Variants in JDP2 observed in about 807,000 individuals in gnomAD.
The protein encoded by JDP2 is progesterone receptor co-activator.
A neutral mutation model predicts 17.1 loss-of-function variants in JDP2; 9 were observed. The ratio of observed to expected loss-of-function variants is 0.53; its 90% CI spans 0.32 to 0.92. The LOEUF is 0.92. JDP2 is among the 40% of genes least tolerant of loss of function. JDP2 has a pLI of 0.04. For synonymous variants in JDP2, 107 were observed against 95.6 expected, an observed-to-expected ratio of 1.12 and a Z score of -0.69; for missense variants, 179 against 220.0, an observed-to-expected ratio of 0.81 and a Z score of 1.18.
chr14:75,459,479 A>AG (rs1167051630), intron 2 of JDP2, among the ~76,000 whole-genome samples: 2 of 152,102 alleles, frequency 1.3e-5, no homozygotes, highest in African/African-American at 4.8e-5. Flanking sequence ...AGAGGTGGTG[A>AG]GGAGGCAGAA....
chr14:75,433,195 CAA>C (rs780191475), intron 1 of JDP2, among the ~76,000 whole-genome samples: 353 of 19,308 alleles, frequency 0.018, no homozygotes, highest in East Asian at 0.094. Context: ...AACTCCGTCT[CAA>C]AAAAAAAAAA....
chr14:75,440,389 G>T (rs1163174772), intron 2 of JDP2, among the ~76,000 whole-genome samples: 1 of 152,192 alleles, frequency 6.6e-6, no homozygotes, highest in Non-Finnish European at 1.5e-5. Flanking sequence ...ACCTAAAGCG[G>T]GGTGGGGAAA....
At chr14:75,468,863 TG>T (rs1020675504) in intron 3 of JDP2, among the ~76,000 whole-genome samples, 11 of 152,380 alleles carry the variant, frequency 7.2e-5, no homozygotes, top group Admixed American at 7.2e-4. Flanking sequence ...CACTGCCATC[TG>T]GGTCCCCTCT....
At chr14:75,453,647 A>T (rs751238091) in intron 2 of JDP2, among the ~76,000 whole-genome samples, 1 of 152,202 alleles carries the variant, frequency 6.6e-6, no homozygotes, top group Admixed American at 6.5e-5. Context: ...TGTACAAGTG[A>T]GGAATGGAGG....
chr14:75,450,388 T>C (rs1885792747), intron 2 of JDP2, among the ~76,000 whole-genome samples: 1 of 152,220 alleles, frequency 6.6e-6, no homozygotes, highest in Non-Finnish European at 1.5e-5. Context: ...TCTTCTCAGT[T>C]GCAGAATCTA....
chr14:75,472,462 A>G lies in JDP2; in HGVS notation c.*2987A>G, dbSNP rs1708042942. 1 of 152,272 alleles carries G rather than the reference A, an allele frequency of 6.6e-6. No individual in the cohort carries two copies. The highest frequency in any genetic ancestry group is 1.5e-5 in the Non-Finnish European group (1 of 68,050). 9.4% of individuals were successfully genotyped at this position (152,272 alleles called of 1,614,324 possible). ...ATGGCACAGACCCACCTGTGCTCAC[A>G]GTACATGTTAAGAATTCCCAAGTCT... On this transcript the variant is annotated 3_prime_UTR_variant, in exon 4 of 4. Transcript: ENST00000651602.
At chr14:75,454,991 C>T (rs1166476998) in intron 2 of JDP2, among the ~76,000 whole-genome samples, 1 of 152,042 alleles carries the variant, frequency 6.6e-6, no homozygotes, top group African/African-American at 2.4e-5. Context: ...GCAGAGGCGA[C>T]GAGGGCTTGG....
chr14:75,469,073 A>G (rs1466299352), intron 3 of JDP2, among the ~76,000 whole-genome samples: 1 of 152,238 alleles, frequency 6.6e-6, no homozygotes, highest in Non-Finnish European at 1.5e-5. Flanking sequence ...TGGCCCTAGA[A>G]TATAACCTGG....
rs778261462 is a variant in JDP2 at position 75,437,989 on chromosome 14, C to T, written c.69C>T (p.Thr23=). Reference sequence around the variant, plus strand: ...CCCTGCCAGGGCTTGGCCCCCTGACCGGGCTCCCCAGCTCGGCCCTGACTG... The same window carrying T: ...CCCTGCCAGGGCTTGGCCCCCTGACTGGGCTCCCCAGCTCGGCCCTGACTG... The part of the protein sequence containing the change: ...TGSLPGLGPL[T]GLPSSALTVE... The change falls in exon 2 of 4, where the codon ACC becomes ACT. Residue 23 remains threonine (T), a synonymous_variant. Coordinates refer to ENST00000651602, the MANE Select transcript of JDP2 (RefSeq NM_001135048.2). The T allele has an allele frequency of 8.1e-6, 13 of 1,613,660 alleles. No homozygotes were observed. Among genetic ancestry groups the T allele is most frequent in the East Asian group, 4.5e-5 (2 of 44,870 alleles).
At chr14:75,466,622 T>C (rs1241369733) in intron 3 of JDP2, among the ~76,000 whole-genome samples, 3 of 152,216 alleles carry the variant, frequency 2.0e-5, no homozygotes, top group Non-Finnish European at 4.4e-5. Context: ...CGCTCCCACA[T>C]AGAGTTGGTT....
chr14:75,461,631 A>G, intron 3 of JDP2, 101 bp downstream of exon 3: 3 of 894,182 alleles, frequency 3.4e-6, no homozygotes, highest in Non-Finnish European at 3.5e-6. Context: ...GTCAATGAGC[A>G]TCTGCTGGCA....
intron 3 of JDP2, among the ~76,000 whole-genome samples, chr14:75,463,709 G>A (rs1886439319): frequency 6.6e-6 from 1 of 152,158 alleles, no homozygotes; most frequent in African/African-American, 2.4e-5. Flanking sequence ...GCATTGAAAA[G>A]GATACCAGCT....
intron 3 of JDP2, 79 bp from the exon 4 acceptor site, chr14:75,469,211 T>G (rs976797084): frequency 7.2e-7 from 1 of 1,389,720 alleles, no homozygotes. Context: ...CAGCGTGCCC[T>G]GTGCCTAACC....
chr14:75,429,562 CA>C (rs1223085484), intron 1 of JDP2, among the ~76,000 whole-genome samples: 2 of 152,138 alleles, frequency 1.3e-5, no homozygotes, highest in Non-Finnish European at 2.9e-5. Flanking sequence ...TTTTAAAAAA[CA>C]CTTCCCATTG....
intron 2 of JDP2, among the ~76,000 whole-genome samples, chr14:75,452,870 C>A (rs1405285175): frequency 6.6e-6 from 1 of 152,190 alleles, no homozygotes; most frequent in Non-Finnish European, 1.5e-5. Context: ...GCCCTGCCCG[C>A]TGTTCACTGA....
chr14:75,454,612 A>G (rs1886017233), intron 2 of JDP2, among the ~76,000 whole-genome samples: 1 of 152,236 alleles, frequency 6.6e-6, no homozygotes, highest in African/African-American at 2.4e-5. Flanking sequence ...GACAACGGGC[A>G]GGCAAACATG....
rs1424771725 is a variant in JDP2 at position 75,432,156 on chromosome 14, C to A, written c.-24+3904C>A. ...CATCTGAAGAGGGCCTTTTGCTGCT[C>A]GCCTTCACTCTCAGTCTTGGGGCCT... On this transcript the variant is annotated intron_variant, in intron 1 of 3. Coordinates refer to ENST00000651602, the MANE Select transcript of JDP2 (RefSeq NM_001135048.2). 7.9e-6 allele frequency: 5 copies of A among 635,814 alleles called. No individual in the cohort carries two copies. In the South Asian group the frequency reaches 9.4e-5, roughly 12 times the overall value. The allele number at this position is 635,814 out of a possible 1,614,324, so 39.4% of individuals were successfully genotyped here.
At chr14:75,453,034 G>T (rs1384618206) in intron 2 of JDP2, among the ~76,000 whole-genome samples, 1 of 152,164 alleles carries the variant, frequency 6.6e-6, no homozygotes, top group Admixed American at 6.5e-5. Flanking sequence ...AGGCTGCCGG[G>T]GGTCAGCAAG....
intron 1 of JDP2, chr14:75,432,142 G>T: frequency 1.6e-6 from 1 of 615,434 alleles, no homozygotes; most frequent in Non-Finnish European, 2.9e-6. Flanking sequence ...ATCTGAAGAG[G>T]GCCTTTTGCT....
Sources: gnomAD v4.1 joint callset for allele counts (sites outside exome capture counted in the v4.1 genomes callset) on GRCh38, gnomAD v4.1.1 for gene constraint, MANE v1.5 for transcripts, NCBI Gene and HGNC (gene_info 2026-07-23, HGNC 2026-07-21) for gene names.